Variants in DOK3 observed in about 807,000 individuals in gnomAD.
The protein encoded by DOK3 is docking protein 3.
DOK3 carries 23 observed loss-of-function variants against 26.2 expected under a neutral mutation model. The observed-to-expected ratio is 0.88, with a 90% CI of 0.63 to 1.24. The LOEUF (loss-of-function observed/expected upper bound fraction) is 1.24. Ranked by LOEUF, DOK3 falls within the 50% of genes most tolerant of loss-of-function variation. DOK3 has a pLI of 0.00. For missense variants in DOK3, 619 were observed against 610.6 expected (o/e 1.01, Z -0.15); for synonymous variants, 268 against 268.2 (o/e 1.00, Z 0.01).
chr5:177,508,233 T>G lies in DOK3; in HGVS notation c.372+4A>C, dbSNP rs1358158166. On this transcript the variant is annotated splice_donor_region_variant and intron_variant, in intron 3 of 5. Transcript: ENST00000510898. ...CCAATCGCCCCCCTGCTCGCCGCAC[T>G]CACCGGGAAGGCCAGCTGGCAGATG... 2.0e-6 allele frequency: 3 copies of G among 1,483,606 alleles called. No homozygotes were observed. The highest frequency in any genetic ancestry group is 2.7e-6 in the Non-Finnish European group (3 of 1,112,246). 91.9% of individuals were successfully genotyped at this position (1,483,606 alleles called of 1,614,324 possible).
chr5:177,505,892 A>G (rs1382327294), intron 3 of DOK3, among the ~76,000 whole-genome samples: 2 of 152,200 alleles, frequency 1.3e-5, no homozygotes, highest in Non-Finnish European at 2.9e-5. Context: ...GCCCGCCACC[A>G]GGCCTGGCTA....
chr5:177,504,721 C>G, intron 5 of DOK3, 22 bp downstream of exon 5: 1 of 1,613,966 alleles, frequency 6.2e-7, no homozygotes, highest in Non-Finnish European at 8.5e-7. Flanking sequence ...GCCCCTCACC[C>G]TTTCCCACCC....
chr5:177,508,790 G>C, intron 2 of DOK3: 1 of 432,786 alleles, frequency 2.3e-6, no homozygotes, highest in African/African-American at 2.0e-5. Context: ...AAGGCCATGA[G>C]AACTCGAGCT....
At chr5:177,509,877 G>C, upstream of DOK3, 1 of 1,607,446 alleles carries the variant, frequency 6.2e-7, no homozygotes, top group Non-Finnish European at 8.5e-7. Context: ...CCCCCGTCCC[G>C]CCCCGGGCAG....
intron 2 of DOK3, 109 bp from the exon 3 acceptor site, chr5:177,508,651 G>T: frequency 1.6e-6 from 2 of 1,263,550 alleles, no homozygotes; most frequent in Non-Finnish European, 2.1e-6. Flanking sequence ...GCGGGCCTCT[G>T]CTCCCCAGTT....
intron 3 of DOK3, among the ~76,000 whole-genome samples, chr5:177,505,783 C>G (rs1054865808): frequency 3.3e-5 from 5 of 151,784 alleles, no homozygotes; most frequent in African/African-American, 1.2e-4. Context: ...GTCGCCCAGG[C>G]TGGAGTGCAG....
Position 177,503,665 on chromosome 5 carries a change from T to C in DOK3, c.*318A>G. The C allele has an allele frequency of 7.3e-7, 1 of 1,368,854 alleles. No individual in the cohort carries two copies. Among genetic ancestry groups the C allele is most frequent in the South Asian group, 1.7e-5 (1 of 60,422 alleles). 84.8% of individuals were successfully genotyped at this position (1,368,854 alleles called of 1,614,324 possible). A position where few individuals can be genotyped will look rare whatever the true frequency, so the allele number is the denominator to read the frequency against. On this transcript the variant is annotated 3_prime_UTR_variant, in exon 6 of 6. Coordinates refer to ENST00000510898, the MANE Select transcript of DOK3 (RefSeq NM_001308236.3). ...GCTGCAGTGGGTTTGAGCCCACGGGTGGCAGGTAAGGCCCAGGTCACCTGT... is the reference window on the plus strand; with the variant it reads ...GCTGCAGTGGGTTTGAGCCCACGGGCGGCAGGTAAGGCCCAGGTCACCTGT...
chr5:177,503,476 C>G lies in DOK3; in HGVS notation c.*507G>C, dbSNP rs892717173. 6 of 1,458,726 alleles carry G rather than the reference C, an allele frequency of 4.1e-6. No homozygotes were observed. The highest frequency in any genetic ancestry group is 5.4e-6 in the Non-Finnish European group (6 of 1,101,834). 90.4% of individuals were successfully genotyped at this position (1,458,726 alleles called of 1,614,324 possible). A position where few individuals can be genotyped will look rare whatever the true frequency, so the allele number is the denominator to read the frequency against. On this transcript the variant is annotated 3_prime_UTR_variant, in exon 6 of 6. Transcript: ENST00000510898. Reference sequence around the variant, plus strand: ...ATCCCTTCCACCTGCACCCCGCCCCCACTGCCTCCTCCCAGCTCGGGCCTC... The same window carrying G: ...ATCCCTTCCACCTGCACCCCGCCCCGACTGCCTCCTCCCAGCTCGGGCCTC...
At position 177,509,783 on chromosome 5, in the gene DOK3, AGGCAGCCT is replaced by A. The variant is rs776684289; in HGVS notation, c.-151_-144del. The A allele has an allele frequency of 1.2e-6, 2 of 1,612,196 alleles. No individual in the cohort carries two copies. Among genetic ancestry groups the A allele is most frequent in the Non-Finnish European group, 1.7e-6 (2 of 1,179,942 alleles). ...CTGGAGGGAGCCCCCGGCCACCTGAAGGCAGCCTTCTCACGCACCTGGTTCAGCTGGGC... is the reference window on the plus strand; with the variant it reads ...CTGGAGGGAGCCCCCGGCCACCTGAATCTCACGCACCTGGTTCAGCTGGGC... On this transcript the variant is annotated 5_prime_UTR_variant, in exon 1 of 6. Transcript: ENST00000510898.
Position 177,502,322 on chromosome 5 carries a change from A to G in DOK3, c.*1661T>C, listed in dbSNP as rs1161892127. ...GTTTTTGCTGTGAAGAGGAACAGAGAAACAGAGGTGGCCGAAGAGGAATGT... is the reference window on the plus strand; with the variant it reads ...GTTTTTGCTGTGAAGAGGAACAGAGGAACAGAGGTGGCCGAAGAGGAATGT... On this transcript the variant is annotated 3_prime_UTR_variant, in exon 6 of 6. Coordinates refer to ENST00000510898, the MANE Select transcript of DOK3 (RefSeq NM_001308236.3). 1 of 152,306 alleles carries G rather than the reference A, an allele frequency of 6.6e-6. No homozygotes were observed. Among genetic ancestry groups the G allele is most frequent in the Non-Finnish European group, 1.5e-5 (1 of 68,070 alleles). 9.4% of individuals were successfully genotyped at this position (152,306 alleles called of 1,614,324 possible).
chr5:177,503,438 G>C lies in DOK3; in HGVS notation c.*545C>G. On this transcript the variant is annotated 3_prime_UTR_variant, in exon 6 of 6. Coordinates refer to ENST00000510898, the MANE Select transcript of DOK3 (RefSeq NM_001308236.3). The stretch of plus-strand genomic sequence containing the variant: ...AGCAGGGAACAAGTGTTTTGGACGA[G>C]GGTGTCTCTGAAATCCCTTCCACCT... The C allele has an allele frequency of 6.7e-7, 1 of 1,497,334 alleles. No homozygotes were observed. Among genetic ancestry groups the C allele is most frequent in the Non-Finnish European group, 9.0e-7 (1 of 1,115,168 alleles). 92.8% of individuals were successfully genotyped at this position (1,497,334 alleles called of 1,614,324 possible).
chr5:177,509,784 G>A lies in DOK3; in HGVS notation c.-144C>T, dbSNP rs1760748400. The A allele has an allele frequency of 2.5e-6, 4 of 1,612,102 alleles. No homozygotes were observed. The highest frequency in any genetic ancestry group is 1.3e-5 in the African/African-American group (1 of 74,880). On this transcript the variant is annotated 5_prime_UTR_variant, in exon 1 of 6. Transcript: ENST00000510898. ...TGGAGGGAGCCCCCGGCCACCTGAA[G>A]GCAGCCTTCTCACGCACCTGGTTCA...
rs368466434 is a variant in DOK3 at position 177,508,238 on chromosome 5, G to A, written c.371C>T (p.Pro124Leu). The A allele has an allele frequency of 2.5e-5, 37 of 1,492,904 alleles. No homozygotes were observed. Among genetic ancestry groups the A allele is most frequent in the Non-Finnish European group, 2.7e-5 (30 of 1,116,384 alleles). The allele number at this position is 1,492,904 out of a possible 1,614,324, so 92.5% of individuals were successfully genotyped here. A position where few individuals can be genotyped will look rare whatever the true frequency, so the allele number is the denominator to read the frequency against. The change falls in exon 3 of 6, where the codon CCG becomes CTG. Residue 124 changes from proline to leucine, a missense_variant and splice_region_variant. Physicochemically the swap from Pro to Leu is moderately conservative, Grantham distance 98 (BLOSUM62 -3). Coordinates refer to ENST00000510898, the MANE Select transcript of DOK3 (RefSeq NM_001308236.3). Reference protein sequence around the residue: ...WMGPICQLAFPGTGEASSGST... With the variant: ...WMGPICQLAFLGTGEASSGST... The stretch of plus-strand genomic sequence containing the variant: ...CGCCCCCCTGCTCGCCGCACTCACC[G>A]GGAAGGCCAGCTGGCAGATGGGGCC...
Position 177,502,847 on chromosome 5 carries a change from G to A in DOK3, c.*1136C>T. 1.7e-6 allele frequency: 1 copy of A among 575,912 alleles called. No homozygotes were observed. The highest frequency in any genetic ancestry group is 2.8e-5 in the East Asian group (1 of 35,200). The allele number at this position is 575,912 out of a possible 1,614,324, so 35.7% of individuals were successfully genotyped here. ...AAGATGAAACGAGAGAGAACAGGGG[G>A]AAGGGACTATGGAGAACAAAGAGGG... On this transcript the variant is annotated 3_prime_UTR_variant, in exon 6 of 6. Transcript: ENST00000510898.
Position 177,508,393 on chromosome 5 carries a change from G to T in DOK3, c.216C>A (p.Ile72=). ...GPGRRGERRV[I]RLADCVSVLP... ...GCACGGACACACAGTCAGCCAGGCG[G>T]ATGACCCGTCGCTCCCCTCGCCGGC... The change falls in exon 3 of 6, where the codon ATC becomes ATA. Residue 72 remains isoleucine, a synonymous_variant. Coordinates refer to ENST00000510898, the MANE Select transcript of DOK3 (RefSeq NM_001308236.3). The T allele has an allele frequency of 6.2e-7, 1 of 1,603,708 alleles. No individual in the cohort carries two copies.
At chr5:177,505,703 G>A (rs758163647) in intron 3 of DOK3, among the ~76,000 whole-genome samples, 8 of 152,094 alleles carry the variant, frequency 5.3e-5, no homozygotes, top group South Asian at 2.1e-4. Flanking sequence ...GTGCAATGGC[G>A]AGATCTCGGC....
Position 177,509,585 on chromosome 5 carries a change from CTGA to C in DOK3, c.-48_-46del, listed in dbSNP as rs756896381. 123 of 1,607,792 alleles carry C rather than the reference CTGA, an allele frequency of 7.7e-5. 1 individual carries two copies. The East Asian group carries it at 1.9e-3, about 25-fold the overall frequency. On this transcript the variant is annotated 5_prime_UTR_variant, in exon 2 of 6. Transcript: ENST00000510898. ...GCCGCCGCTTCAAGACCTGGGGAGACTGATGACAGGCTGGACGGGAACTCCTCA... is the reference window on the plus strand; with the variant it reads ...GCCGCCGCTTCAAGACCTGGGGAGACTGACAGGCTGGACGGGAACTCCTCA...
At chr5:177,506,694 T>C (rs1342506592) in intron 3 of DOK3, among the ~76,000 whole-genome samples, 2 of 145,512 alleles carry the variant, frequency 1.4e-5, no homozygotes, top group East Asian at 4.0e-4. Context: ...TCTTTTTTTT[T>C]TTTTTTTTTT....
chr5:177,508,423 C>T lies in DOK3; in HGVS notation c.186G>A (p.Gly62=). Residue 62 remains glycine (G), a synonymous_variant, in exon 3 of 6, where the codon GGG becomes GGA. Coordinates refer to ENST00000510898, the MANE Select transcript of DOK3 (RefSeq NM_001308236.3). ...GLGAAGDRSA[G]PGRRGERRVI... ...CCCGTCGCTCCCCTCGCCGGCCAGGCCCTGCCGACCTGTCACCCGCTGCTC... is the reference window on the plus strand; with the variant it reads ...CCCGTCGCTCCCCTCGCCGGCCAGGTCCTGCCGACCTGTCACCCGCTGCTC... 2.5e-6 allele frequency: 4 copies of T among 1,601,980 alleles called. No individual in the cohort carries two copies. The highest frequency in any genetic ancestry group is 2.2e-5 in the East Asian group (1 of 44,522).
Sources: allele counts gnomAD v4.1 joint callset (sites outside exome capture counted in the v4.1 genomes callset), GRCh38; gene constraint gnomAD v4.1.1; transcripts MANE v1.5; gene names NCBI Gene and HGNC (gene_info 2026-07-23, HGNC 2026-07-21).